SEMA3D: variants seen among roughly 807,000 people sequenced by gnomAD.
SEMA3D encodes the protein semaphorin 3D.
In SEMA3D, 84 loss-of-function variants were observed where a neutral mutation model predicts 100.1. That is an observed-to-expected ratio of 0.84 (90% CI 0.70 to 1.01). The LOEUF is 1.01. Ranked by LOEUF, SEMA3D falls within the 50% of genes least tolerant of loss-of-function variation. The probability of loss-of-function intolerance (pLI) is 0.00; values close to 1 mark genes in which losing one functional copy is unlikely to be tolerated. For synonymous variants in SEMA3D, 312 were observed against 320.7 expected (o/e 0.97, Z 0.29); for missense variants, 875 against 934.1 (o/e 0.94, Z 0.82).
chr7:85,080,556 C>T (rs1788026670), intron 5 of SEMA3D, among the ~76,000 whole-genome samples: 1 of 152,102 alleles, frequency 6.6e-6, no homozygotes, highest in Non-Finnish European at 1.5e-5. Flanking sequence ...CAAAAGAAGC[C>T]TCAAGATGTC....
At chr7:85,142,194 T>C in intron 2 of SEMA3D, 1 of 984,174 alleles carries the variant, frequency 1.0e-6, no homozygotes, top group Non-Finnish European at 1.2e-6. Context: ...AATTTCTAAA[T>C]TACTCAATTG....
intron 3 of SEMA3D, among the ~76,000 whole-genome samples, chr7:85,106,313 T>C (rs1788918320): frequency 1.3e-5 from 2 of 152,084 alleles, no homozygotes; most frequent in African/African-American, 4.8e-5. Flanking sequence ...TATTTGGTAT[T>C]TGTTTCAATC....
chr7:85,163,439 A>G (rs1790802343), intron 1 of SEMA3D, among the ~76,000 whole-genome samples: 1 of 152,172 alleles, frequency 6.6e-6, no homozygotes. Context: ...ATAATACTTC[A>G]AAGATCAGAA....
At chr7:85,163,854 T>C (rs1372099241) in intron 1 of SEMA3D, among the ~76,000 whole-genome samples, 4 of 152,246 alleles carry the variant, frequency 2.6e-5, no homozygotes, top group Non-Finnish European at 4.4e-5. Context: ...GAAAGGTAAT[T>C]TTTGCCAATC....
the SEMA3D span, among the ~76,000 whole-genome samples, chr7:85,198,362 T>C: frequency 6.6e-6 from 1 of 152,122 alleles, no homozygotes; most frequent in Non-Finnish European, 1.5e-5. Flanking sequence ...TTCTTGTGTG[T>C]TAGTTTTATA....
chr7:85,053,951 T>C (rs907557829), intron 9 of SEMA3D, among the ~76,000 whole-genome samples: 1 of 151,674 alleles, frequency 6.6e-6, no homozygotes, highest in Admixed American at 6.6e-5. Context: ...GTGTGTGTGA[T>C]GAGAAAACTC....
Position 85,114,727 on chromosome 7 carries a change from C to T in SEMA3D, c.151+7014G>A, listed in dbSNP as rs576764042. Among the ~76,000 whole-genome samples the T allele has an allele frequency of 1.1e-4, 16 of 152,072 alleles. No homozygotes were observed. In the South Asian group the frequency reaches 1.2e-3, roughly 12 times the overall value. On this transcript the variant is annotated intron_variant, in intron 3 of 18. Transcript: ENST00000284136. The stretch of plus-strand genomic sequence containing the variant: ...AGCATCAAAAGCGTAGAGCTTTTTG[C>T]GTTTAATCCAAGAAAAACATATCAA...
chr7:85,037,112 G>A (rs1218785107), intron 11 of SEMA3D, 79 bp from the exon 12 acceptor site: 17 of 1,426,824 alleles, frequency 1.2e-5, no homozygotes, highest in Non-Finnish European at 1.6e-5. Flanking sequence ...CTATCAGCAG[G>A]TGCTGTGGAC....
intron 12 of SEMA3D, among the ~76,000 whole-genome samples, chr7:85,032,539 G>A (rs1048852190): frequency 1.3e-5 from 2 of 152,102 alleles, no homozygotes; most frequent in African/African-American, 4.8e-5. Flanking sequence ...AGCTACCACG[G>A]ATTTCTAGAT....
chr7:85,236,871 G>C, the SEMA3D span, among the ~76,000 whole-genome samples: 1 of 152,024 alleles, frequency 6.6e-6, no homozygotes, highest in Non-Finnish European at 1.5e-5. Flanking sequence ...TAGAGCTAAA[G>C]AATTTTAAAA....
intron 12 of SEMA3D, among the ~76,000 whole-genome samples, chr7:85,035,281 T>G (rs150599680): frequency 6.6e-6 from 1 of 151,468 alleles, no homozygotes; most frequent in Non-Finnish European, 1.5e-5. Flanking sequence ...ATATGCATCA[T>G]ATATGTATAT....
At chr7:85,120,173 A>C (rs1789368296) in intron 3 of SEMA3D, among the ~76,000 whole-genome samples, 1 of 152,020 alleles carries the variant, frequency 6.6e-6, no homozygotes, top group South Asian at 2.1e-4. Context: ...TATCTAGTTG[A>C]AGAGTTGTTT....
At chr7:85,047,543 C>T (rs1221215870) in intron 9 of SEMA3D, among the ~76,000 whole-genome samples, 1 of 151,808 alleles carries the variant, frequency 6.6e-6, no homozygotes, top group East Asian at 1.9e-4. Flanking sequence ...TAAACATTGT[C>T]ATTTTAACCT....
upstream of SEMA3D, among the ~76,000 whole-genome samples, chr7:85,187,455 G>A (rs748240453): frequency 6.6e-6 from 1 of 152,272 alleles, no homozygotes; most frequent in Non-Finnish European, 1.5e-5. Flanking sequence ...CTCAATCCAC[G>A]GTTAATGGCC....
chr7:85,066,913 C>CACACACACACACACACAG lies in SEMA3D; in HGVS notation c.589+1277_589+1278insCTGTGTGTGTGTGTGTGT. ...GCGCTCACACACACACACACACACACAGAGAGAGAGAGAGAGAGAGAGAGA... is the reference window on the plus strand; with the variant it reads ...GCGCTCACACACACACACACACACACACACACACACACACACAGAGAGAGAGAGAGAGAGAGAGAGAGA... On this transcript the variant is annotated intron_variant, in intron 7 of 18. Coordinates refer to ENST00000284136, the MANE Select transcript of SEMA3D (RefSeq NM_001384900.1). Among the ~76,000 whole-genome samples, 739 of 127,784 alleles carry CACACACACACACACACAG rather than the reference C, an allele frequency of 5.8e-3. 8 individuals carry two copies. Among genetic ancestry groups the CACACACACACACACACAG allele is most frequent in the African/African-American group, 0.022 (705 of 31,720 alleles). 83.8% of individuals were successfully genotyped at this position (127,784 alleles called of 152,430 possible). A position where few individuals can be genotyped will look rare whatever the true frequency, so the allele number is the denominator to read the frequency against.
intron 7 of SEMA3D, 87 bp downstream of exon 7, chr7:85,068,098 ATTACCT>A (rs1791675660): frequency 5.3e-6 from 4 of 748,578 alleles, no homozygotes; most frequent in South Asian, 4.9e-5. Context: ...TTAGTAAAAA[ATTACCT>A]TTAACTCAAT....
the SEMA3D span, among the ~76,000 whole-genome samples, chr7:85,226,402 T>C: frequency 6.6e-6 from 1 of 152,216 alleles, no homozygotes; most frequent in East Asian, 1.9e-4. Flanking sequence ...GCAGTATCCA[T>C]ATTTTTTATA....
intron 15 of SEMA3D, 52 bp from the exon 16 acceptor site, chr7:85,015,268 A>G (rs1266929223): frequency 6.4e-7 from 1 of 1,557,108 alleles, no homozygotes; most frequent in Admixed American, 1.7e-5. Context: ...GACTAGTCTT[A>G]AGAATTTCCT....
chr7:85,018,923 A>G lies in SEMA3D; in HGVS notation c.1504-630T>C, dbSNP rs62472148. On this transcript the variant is annotated intron_variant, in intron 14 of 18. Coordinates refer to ENST00000284136, the MANE Select transcript of SEMA3D (RefSeq NM_001384900.1). ...AGATGGCTTAAAAAATTTTCCATCTACCTATCATCTATCTACTATTTATTC... is the reference window on the plus strand; with the variant it reads ...AGATGGCTTAAAAAATTTTCCATCTGCCTATCATCTATCTACTATTTATTC... 7.2e-3 allele frequency among the ~76,000 whole-genome samples: 1,087 copies of G among 151,842 alleles called. 8 individuals carry two copies. Among genetic ancestry groups the G allele is most frequent in the Non-Finnish European group, 0.012 (790 of 67,774 alleles).
Sources: allele counts gnomAD v4.1 joint callset (sites outside exome capture counted in the v4.1 genomes callset), GRCh38; gene constraint gnomAD v4.1.1; transcripts MANE v1.5; gene names NCBI Gene and HGNC (gene_info 2026-07-23, HGNC 2026-07-21).